The following CNTN5 variants were observed in gnomAD, a reference collection of about 807,000 sequenced individuals.
CNTN5 encodes the protein contactin-5.
CNTN5 carries 77 observed loss-of-function variants against 129.1 expected under a neutral mutation model. The ratio of observed to expected loss-of-function variants is 0.60; its 90% confidence interval spans 0.50 to 0.72. The LOEUF (loss-of-function observed/expected upper bound fraction) is 0.72. CNTN5 is among the 30% of genes least tolerant of loss of function. The pLI is 0.00. For missense variants in CNTN5, 1,478 were observed against 1,328.8 expected (o/e 1.11, Z -1.75); for synonymous variants, 509 against 465.6 (o/e 1.09, Z -1.20).
chr11:100,081,088 C>T (rs1944347953), intron 13 of CNTN5, among the ~76,000 whole-genome samples: 1 of 152,048 alleles, frequency 6.6e-6, no homozygotes. Flanking sequence ...TCAGTGAAAG[C>T]TAACTGCACA....
intron 3 of CNTN5, among the ~76,000 whole-genome samples, chr11:99,806,433 A>AGT (rs1217304935): frequency 1.3e-5 from 2 of 151,988 alleles, no homozygotes; most frequent in East Asian, 1.9e-4. Context: ...TATGTGAGTG[A>AGT]GTGTGTGTGT....
chr11:100,299,125 C>G (rs190001564), intron 19 of CNTN5, 37 bp from the exon 20 acceptor site: 1 of 1,306,624 alleles, frequency 7.7e-7, no homozygotes, highest in Non-Finnish European at 1.1e-6. Context: ...TTTAATCAAT[C>G]ATTTTGCTGA....
At chr11:100,333,240 C>T (rs543501726) in intron 21 of CNTN5, among the ~76,000 whole-genome samples, 1 of 151,458 alleles carries the variant, frequency 6.6e-6, no homozygotes, top group Admixed American at 6.6e-5. Flanking sequence ...TGTGGAAGAC[C>T]TCTACAACAA....
chr11:99,648,533 G>C (rs887494416), intron 3 of CNTN5, among the ~76,000 whole-genome samples: 1 of 151,788 alleles, frequency 6.6e-6, no homozygotes, highest in Non-Finnish European at 1.5e-5. Context: ...ACTAAAAATA[G>C]CACTACCATA....
chr11:99,990,329 C>A lies in CNTN5; in HGVS notation c.878-11705C>A, dbSNP rs191873454. Reference sequence around the variant, plus strand: ...CCCCTTGATCAATTTATTCCTGATGCTTGGAAAGGGAAAATAAATTTATTG... The same window carrying A: ...CCCCTTGATCAATTTATTCCTGATGATTGGAAAGGGAAAATAAATTTATTG... On this transcript the variant is annotated intron_variant, in intron 8 of 24. Transcript: ENST00000524871. Among the ~76,000 whole-genome samples, 9 of 151,816 alleles carry A rather than the reference C, an allele frequency of 5.9e-5. No individual in the cohort carries two copies. The East Asian group carries it at 1.7e-3, about 29-fold the overall frequency.
At chr11:99,734,980 C>A (rs1042967242) in intron 3 of CNTN5, among the ~76,000 whole-genome samples, 1 of 151,524 alleles carries the variant, frequency 6.6e-6, no homozygotes, top group East Asian at 1.9e-4. Context: ...TGCAGTCCGC[C>A]CTGGGGGAAA....
At chr11:99,931,454 G>A (rs1950190603) in intron 7 of CNTN5, among the ~76,000 whole-genome samples, 1 of 152,018 alleles carries the variant, frequency 6.6e-6, no homozygotes, top group Non-Finnish European at 1.5e-5. Flanking sequence ...GATTGGTTAG[G>A]GATTTTGACA....
intron 2 of CNTN5, among the ~76,000 whole-genome samples, chr11:99,417,527 T>A (rs1942712800): frequency 6.6e-6 from 1 of 152,150 alleles, no homozygotes; most frequent in Non-Finnish European, 1.5e-5. Flanking sequence ...TTCACTTTAT[T>A]TGTAAATGTG....
intron 6 of CNTN5, among the ~76,000 whole-genome samples, chr11:99,883,235 G>A (rs1000935649): frequency 6.6e-6 from 1 of 152,190 alleles, no homozygotes; most frequent in Non-Finnish European, 1.5e-5. Context: ...ATACCAAGCA[G>A]TGGGATTGTT....
At position 99,311,000 on chromosome 11, in the gene CNTN5, T is replaced by C. The variant is rs909494233; in HGVS notation, c.-209-14346T>C. On this transcript the variant is annotated intron_variant, in intron 1 of 24. Transcript: ENST00000524871. ...ATGCCGGAATGCGGTGGTGCTGTCTTGGCTCACTGCAACCTCTGCCTCCCA... is the reference window on the plus strand; with the variant it reads ...ATGCCGGAATGCGGTGGTGCTGTCTCGGCTCACTGCAACCTCTGCCTCCCA... Among the ~76,000 whole-genome samples the C allele has an allele frequency of 5.9e-5, 9 of 152,118 alleles. No individual in the cohort carries two copies. In the South Asian group the frequency reaches 1.9e-3, roughly 31 times the overall value.
At chr11:99,346,205 T>C (rs1430051602) in intron 2 of CNTN5, among the ~76,000 whole-genome samples, 1 of 152,196 alleles carries the variant, frequency 6.6e-6, no homozygotes, top group Non-Finnish European at 1.5e-5. Context: ...ATATAGAAAG[T>C]CAGTAGAGGT....
intron 17 of CNTN5, among the ~76,000 whole-genome samples, chr11:100,269,538 C>T (rs371620005): frequency 4.6e-5 from 7 of 151,970 alleles, no homozygotes; most frequent in Admixed American, 2.0e-4. Context: ...TCTTTTTCTC[C>T]GTGATATCTT....
intron 2 of CNTN5, among the ~76,000 whole-genome samples, chr11:99,372,916 T>C (rs976279773): frequency 6.6e-6 from 1 of 152,186 alleles, no homozygotes; most frequent in Non-Finnish European, 1.5e-5. Flanking sequence ...GAAATAAAAA[T>C]TGACAATGAG....
chr11:99,193,598 G>A (rs955245217), intron 1 of CNTN5, among the ~76,000 whole-genome samples: 6 of 152,096 alleles, frequency 3.9e-5, no homozygotes, highest in Non-Finnish European at 7.4e-5. Flanking sequence ...GGCTTTCAAT[G>A]ATAAAAGAGC....
At chr11:99,092,437 T>C (rs1469848511) in intron 1 of CNTN5, among the ~76,000 whole-genome samples, 1 of 152,074 alleles carries the variant, frequency 6.6e-6, no homozygotes, top group Non-Finnish European at 1.5e-5. Context: ...TTTATCACAC[T>C]TAAGAGTACA....
At position 99,360,756 on chromosome 11, in the gene CNTN5, T is replaced by G. The variant is rs567019636; in HGVS notation, c.-71+35272T>G. ...CTTCCACACAAGCATACTAATCTTT[T>G]TATCAAAAGGTTGCTTGGCCACACC... On this transcript the variant is annotated intron_variant, in intron 2 of 24. Coordinates refer to ENST00000524871, the MANE Select transcript of CNTN5 (RefSeq NM_014361.4). Among the ~76,000 whole-genome samples the G allele has an allele frequency of 5.9e-5, 9 of 152,338 alleles. No individual in the cohort carries two copies. In the East Asian group the frequency reaches 1.7e-3, roughly 29 times the overall value.
intron 9 of CNTN5, among the ~76,000 whole-genome samples, chr11:100,011,146 G>A: frequency 6.6e-6 from 1 of 152,252 alleles, no homozygotes; most frequent in Non-Finnish European, 1.5e-5. Flanking sequence ...GTCTCCAGAT[G>A]CTTTCACATG....
At chr11:99,365,228 A>G (rs935495098) in intron 2 of CNTN5, among the ~76,000 whole-genome samples, 1 of 152,188 alleles carries the variant, frequency 6.6e-6, no homozygotes, top group African/African-American at 2.4e-5. Context: ...AATGAGTATG[A>G]TAACAATACA....
intron 1 of CNTN5, among the ~76,000 whole-genome samples, chr11:99,039,577 T>C (rs1233647584): frequency 6.6e-6 from 1 of 152,242 alleles, no homozygotes; most frequent in East Asian, 1.9e-4. Flanking sequence ...AGTGTGCAAG[T>C]GTCAAACACA....
Sources: gnomAD v4.1 joint callset for allele counts (sites outside exome capture counted in the v4.1 genomes callset) on GRCh38, gnomAD v4.1.1 for gene constraint, MANE v1.5 for transcripts, NCBI Gene and HGNC (gene_info 2026-07-23, HGNC 2026-07-21) for gene names.